TULP3: variants seen among roughly 807,000 people sequenced by gnomAD.
The protein encoded by TULP3 is TUB like protein 3.
TULP3 carries 38 observed loss-of-function variants against 50.7 expected under a neutral mutation model. The observed-to-expected ratio is 0.75, with a 90% CI of 0.58 to 0.98. The LOEUF is 0.98. TULP3 is among the 50% of genes least tolerant of loss of function. The pLI is 0.00. For missense variants in TULP3, 550 were observed against 568.0 expected, an observed-to-expected ratio of 0.97 and a Z score of 0.32; for synonymous variants, 183 against 196.6, an observed-to-expected ratio of 0.93 and a Z score of 0.58.
intron 2 of TULP3, among the ~76,000 whole-genome samples, chr12:2,919,590 T>G (rs2098190575): frequency 6.6e-6 from 1 of 152,148 alleles, no homozygotes. Context: ...AGTAAGTGGG[T>G]TATAATATAT....
Position 2,940,892 on chromosome 12 carries a change from C to A in TULP3, c.*1448C>A, listed in dbSNP as rs781683429. 127 of 635,970 alleles carry A rather than the reference C, an allele frequency of 2.0e-4. 1 individual carries two copies. The highest frequency in any genetic ancestry group is 1.3e-4 in the Admixed American group (4 of 31,576). The allele number at this position is 635,970 out of a possible 1,614,324, so 39.4% of individuals were successfully genotyped here. The stretch of plus-strand genomic sequence containing the variant: ...ACACCTCGTCACCACCACCACCCCC[C>A]ACCCCATCCTGAGGCACTGCCTGGC... On this transcript the variant is annotated 3_prime_UTR_variant, in exon 11 of 11. Coordinates refer to ENST00000448120, the MANE Select transcript of TULP3 (RefSeq NM_003324.5).
chr12:2,910,799 C>G (rs888788173), intron 2 of TULP3, among the ~76,000 whole-genome samples: 3 of 152,100 alleles, frequency 2.0e-5, no homozygotes, highest in Non-Finnish European at 2.9e-5. Flanking sequence ...AATTCTGTTA[C>G]ACACACACAC....
intron 2 of TULP3, among the ~76,000 whole-genome samples, chr12:2,913,602 A>G (rs942616585): frequency 6.6e-5 from 10 of 150,480 alleles, no homozygotes; most frequent in Middle Eastern, 3.5e-3. Context: ...TCCGTGGTTT[A>G]TTTATTTTTA....
At chr12:2,895,757 T>G (rs1270577617) in intron 1 of TULP3, among the ~76,000 whole-genome samples, 2 of 152,184 alleles carry the variant, frequency 1.3e-5, no homozygotes, top group African/African-American at 2.4e-5. Flanking sequence ...GATTTTGTTG[T>G]GTGAACGTCA....
At chr12:2,903,428 G>A (rs1449355798) in intron 1 of TULP3, among the ~76,000 whole-genome samples, 1 of 151,602 alleles carries the variant, frequency 6.6e-6, no homozygotes, top group Non-Finnish European at 1.5e-5. Context: ...CAGGCGTGGT[G>A]GTGCATGCCT....
At chr12:2,891,904 T>TA (rs1253711766) in intron 1 of TULP3, among the ~76,000 whole-genome samples, 2 of 151,786 alleles carry the variant, frequency 1.3e-5, no homozygotes, top group Non-Finnish European at 2.9e-5. Context: ...AAAAATAAAA[T>TA]AAAATAAAAT....
At chr12:2,937,200 ATTTTTTTT>A (rs771074689) in intron 8 of TULP3, among the ~76,000 whole-genome samples, 4 of 54,446 alleles carry the variant, frequency 7.3e-5, no homozygotes, top group Non-Finnish European at 1.2e-4. Flanking sequence ...GGTACACCTG[ATTTTTTTT>A]TTTTTTTTTT....
At chr12:2,932,965 CAG>C (rs1369565713) in intron 6 of TULP3, among the ~76,000 whole-genome samples, 1 of 149,948 alleles carries the variant, frequency 6.7e-6, no homozygotes, top group African/African-American at 2.4e-5. Flanking sequence ...TTTTTTGAGA[CAG>C]AGTCTCATTC....
At chr12:2,909,697 T>C in intron 2 of TULP3, 117 bp downstream of exon 2, 1 of 1,096,074 alleles carries the variant, frequency 9.1e-7, no homozygotes, top group Non-Finnish European at 1.3e-6. Context: ...AGGAGAAGGC[T>C]CGGGTGGTTA....
intron 2 of TULP3, among the ~76,000 whole-genome samples, chr12:2,913,830 C>T (rs967381088): frequency 1.2e-4 from 18 of 151,866 alleles, no homozygotes; most frequent in African/African-American, 4.1e-4. Flanking sequence ...AGGCTGATCT[C>T]GAACTCCTAA....
intron 1 of TULP3, among the ~76,000 whole-genome samples, chr12:2,906,776 C>A (rs1044452442): frequency 6.7e-6 from 1 of 148,840 alleles, no homozygotes; most frequent in Non-Finnish European, 1.5e-5. Flanking sequence ...ATTAGCCGGG[C>A]GTGGTGGCAC....
chr12:2,924,697 A>G (rs1223444908), intron 4 of TULP3, among the ~76,000 whole-genome samples: 1 of 150,920 alleles, frequency 6.6e-6, no homozygotes, highest in African/African-American at 2.4e-5. Flanking sequence ...TTAAAAAAAA[A>G]AAAAAATTGG....
Position 2,937,647 on chromosome 12 carries a change from G to T in TULP3, c.941G>T (p.Gly314Val), listed in dbSNP as rs763165864. Reference sequence around the variant, plus strand: ...ATCTTCCAGGAAACAAACGTACTTGGATTTAAAGGTCCTAGGAAAATGTCT... The same window carrying T: ...ATCTTCCAGGAAACAAACGTACTTGTATTTAAAGGTCCTAGGAAAATGTCT... ...AAISYETNVL[G>V]FKGPRKMSVI... is the part of the protein sequence containing the mutation. Residue 314 changes from glycine to valine, a missense_variant, in exon 9 of 11, where the codon GGA (glycine) becomes GTA (valine). Gly to Val is a moderately radical substitution (Grantham distance 109). Transcript: ENST00000448120. 6.2e-7 allele frequency: 1 copy of T among 1,611,736 alleles called. No individual in the cohort carries two copies. Among genetic ancestry groups the T allele is most frequent in the African/African-American group, 1.3e-5 (1 of 74,830 alleles).
chr12:2,924,743 CT>C (rs1315742620), intron 4 of TULP3, among the ~76,000 whole-genome samples: 1 of 151,416 alleles, frequency 6.6e-6, no homozygotes, highest in Non-Finnish European at 1.5e-5. Flanking sequence ...AACCCCAGCA[CT>C]TTGGGAGGCT....
At chr12:2,894,563 A>ACACACACACACACG (rs1233658787) in intron 1 of TULP3, among the ~76,000 whole-genome samples, 4 of 138,696 alleles carry the variant, frequency 2.9e-5, no homozygotes, top group Admixed American at 1.5e-4. Context: ...ACACACACAC[A>ACACACACACACACG]CACGCACGCA....
At chr12:2,929,267 A>T (rs187510026) in intron 4 of TULP3, among the ~76,000 whole-genome samples, 12 of 151,994 alleles carry the variant, frequency 7.9e-5, no homozygotes, top group African/African-American at 2.7e-4. Context: ...CAGTGAGTCG[A>T]GATCGCGCCA....
intron 1 of TULP3, among the ~76,000 whole-genome samples, chr12:2,901,658 C>T (rs891846374): frequency 2.8e-4 from 43 of 152,116 alleles, no homozygotes; most frequent in Non-Finnish European, 7.3e-5. Context: ...GCTGGGATTA[C>T]AGGTGTGAGC....
chr12:2,938,236 G>A lies in TULP3; in HGVS notation c.1146G>A (p.Arg382=). 6.2e-7 allele frequency: 1 copy of A among 1,614,130 alleles called. No homozygotes were observed. Residue 382 remains arginine (R), a synonymous_variant, in exon 10 of 11, where the codon CGG becomes CGA. Transcript: ENST00000448120. ...TQSYVLNFRG[R]VTQASVKNFQ... ...CCTATGTCCTCAACTTCCGTGGCCG[G>A]GTCACTCAGGCGTCTGTGAAGAACT...
rs576990791 is a variant in TULP3 at position 2,900,805 on chromosome 12, GC to G, written c.42-8723del. On this transcript the variant is annotated intron_variant, in intron 1 of 10. Coordinates refer to ENST00000448120, the MANE Select transcript of TULP3 (RefSeq NM_003324.5). ...GTGTGACGATAGCTCAACCTCCTGG[GC>G]TCAAGCAATCCTCCCACCTCAGCCT... Among the ~76,000 whole-genome samples, 365 of 151,286 alleles carry G rather than the reference GC, an allele frequency of 2.4e-3. 2 individuals carry two copies. Among genetic ancestry groups the G allele is most frequent in the African/African-American group, 8.3e-3 (341 of 41,234 alleles).
Sources: allele counts gnomAD v4.1 joint callset (sites outside exome capture counted in the v4.1 genomes callset), GRCh38; gene constraint gnomAD v4.1.1; transcripts MANE v1.5; gene names NCBI Gene and HGNC (gene_info 2026-07-23, HGNC 2026-07-21).